Variants in MMD observed in about 807,000 individuals in gnomAD.
MMD encodes monocyte to macrophage differentiation associated, also known as monocyte to macrophage differentiation factor.
Under a neutral mutation model 33.6 loss-of-function variants are expected in MMD, and 22 were observed. That is an observed-to-expected ratio of 0.66 (90% confidence interval 0.47 to 0.94). The LOEUF is 0.94. Ranked by LOEUF, MMD falls within the 40% of genes least tolerant of loss-of-function variation. The pLI, the probability that MMD is intolerant of heterozygous loss-of-function variation, is 0.00. For synonymous variants in MMD, 97 were observed against 103.2 expected (o/e 0.94, Z 0.36); for missense variants, 242 against 309.8 (o/e 0.78, Z 1.64).
rs1361115487 is a variant in MMD at position 55,394,360 on chromosome 17, G to A, written c.691C>T (p.Pro231Ser). ...YAIWKYLYRS[P>S]TDFMRHL ...CATAAATGCCGCATAAAGTCCGTAGGACTTCGGTAAAGGTATTTCCAAATG... is the reference window on the plus strand; with the variant it reads ...CATAAATGCCGCATAAAGTCCGTAGAACTTCGGTAAAGGTATTTCCAAATG... Residue 231 changes from proline (P) to serine (S), a missense_variant, in exon 7 of 7, where the codon CCT becomes TCT. Physicochemically the swap from Pro to Ser is moderately conservative, Grantham distance 74. Transcript: ENST00000262065. 1.4e-6 allele frequency: 2 copies of A among 1,406,616 alleles called. No homozygotes were observed. The highest frequency in any genetic ancestry group is 3.7e-5 in the South Asian group (2 of 54,484). The allele number at this position is 1,406,616 out of a possible 1,614,324, so 87.1% of individuals were successfully genotyped here.
intron 6 of MMD, among the ~76,000 whole-genome samples, chr17:55,400,115 C>A (rs1476037083): frequency 6.6e-6 from 1 of 152,090 alleles, no homozygotes; most frequent in Non-Finnish European, 1.5e-5. Context: ...ATTATTAAAG[C>A]CATCATAAAC....
chr17:55,408,679 A>T (rs1907648290), intron 3 of MMD, among the ~76,000 whole-genome samples: 1 of 152,230 alleles, frequency 6.6e-6, no homozygotes, highest in African/African-American at 2.4e-5. Flanking sequence ...AGCAAATAAT[A>T]AAGACTTGTG....
chr17:55,400,393 C>CA (rs1278833920), intron 6 of MMD, among the ~76,000 whole-genome samples: 1 of 151,844 alleles, frequency 6.6e-6, no homozygotes, highest in African/African-American at 2.4e-5. Flanking sequence ...ACTAAAAATA[C>CA]AAAAAATTAG....
At chr17:55,396,451 GCT>G (rs1236214164) in intron 6 of MMD, among the ~76,000 whole-genome samples, 7 of 152,038 alleles carry the variant, frequency 4.6e-5, no homozygotes, top group Admixed American at 2.6e-4. Context: ...CTCCCGTCTT[GCT>G]CTCTGTTTTC....
At position 55,406,987 on chromosome 17, in the gene MMD, C is replaced by T. The variant is rs373929318; in HGVS notation, c.344+759G>A. On this transcript the variant is annotated intron_variant, in intron 4 of 6. Coordinates refer to ENST00000262065, the MANE Select transcript of MMD (RefSeq NM_012329.3). Reference sequence around the variant, plus strand: ...CAGAGATTGTAGTGAGCTGAGATCACGCCACTGCATTCCAGCCTGGGAGAC... The same window carrying T: ...CAGAGATTGTAGTGAGCTGAGATCATGCCACTGCATTCCAGCCTGGGAGAC... 2.2e-4 allele frequency among the ~76,000 whole-genome samples: 34 copies of T among 151,854 alleles called. No homozygotes were observed. The South Asian group carries it at 4.2e-3, about 19-fold the overall frequency.
At chr17:55,395,369 AGACAG>A (rs1907060580) in intron 6 of MMD, among the ~76,000 whole-genome samples, 2 of 152,228 alleles carry the variant, frequency 1.3e-5, no homozygotes, top group Admixed American at 6.5e-5. Context: ...AATAGAAAGG[AGACAG>A]GTTCTGCAGA....
At chr17:55,400,148 T>C (rs1907269904) in intron 6 of MMD, among the ~76,000 whole-genome samples, 1 of 152,214 alleles carries the variant, frequency 6.6e-6, no homozygotes, top group South Asian at 2.1e-4. Context: ...AGAAATATAT[T>C]TTGTTATATT....
chr17:55,420,114 CA>C (rs1000767588), intron 1 of MMD: 1 of 151,914 alleles, frequency 6.6e-6, no homozygotes, highest in Non-Finnish European at 1.5e-5. Flanking sequence ...TTAGAGGATC[CA>C]AAGGTATAGG....
rs145931980 is a variant in MMD, at chr17:55,396,347, C to T, written c.517-1813G>A. On this transcript the variant is annotated intron_variant, in intron 6 of 6. Transcript: ENST00000262065. Reference sequence around the variant, plus strand: ...GAGAAAACTTTTTTATCCAGTCTGACAATCTCTGCCTTTTAGTTGGAGTGT... The same window carrying T: ...GAGAAAACTTTTTTATCCAGTCTGATAATCTCTGCCTTTTAGTTGGAGTGT... Among the ~76,000 whole-genome samples the T allele has an allele frequency of 1.5e-3, 232 of 152,280 alleles. 3 individuals carry two copies. Among genetic ancestry groups the T allele is most frequent in the African/African-American group, 5.3e-3 (220 of 41,560 alleles).
chr17:55,407,660 G>A, intron 4 of MMD, 86 bp downstream of exon 4: 2 of 1,221,800 alleles, frequency 1.6e-6, no homozygotes, highest in East Asian at 2.4e-5. Flanking sequence ...GGCTGAGGGT[G>A]GGGACAAGAG....
Sources: allele counts gnomAD v4.1 joint callset (sites outside exome capture counted in the v4.1 genomes callset), GRCh38; gene constraint gnomAD v4.1.1; transcripts MANE v1.5; gene names NCBI Gene and HGNC (gene_info 2026-07-23, HGNC 2026-07-21).